ENOPH1: variants seen among roughly 807,000 people sequenced by gnomAD.
The protein encoded by ENOPH1 is enolase-phosphatase 1.
In ENOPH1, 14 loss-of-function variants were observed where a neutral mutation model predicts 31.1. The observed-to-expected ratio is 0.45, with a 90% CI of 0.30 to 0.70. ENOPH1 has a LOEUF of 0.70. ENOPH1 is among the 30% of genes least tolerant of loss of function. The probability of loss-of-function intolerance (pLI) is 0.09; values close to 1 mark genes in which losing one functional copy is unlikely to be tolerated. For synonymous variants in ENOPH1, 127 were observed against 123.2 expected, an observed-to-expected ratio of 1.03 and a Z score of -0.21; for missense variants, 243 against 321.5, an observed-to-expected ratio of 0.76 and a Z score of 1.87.
chr4:82,432,863 G>A (rs1215315343), intron 1 of ENOPH1, among the ~76,000 whole-genome samples: 1 of 152,212 alleles, frequency 6.6e-6, no homozygotes, highest in Non-Finnish European at 1.5e-5. Flanking sequence ...TCCCGTGTCG[G>A]CCTCCCAAAG....
chr4:82,447,141 A>C (rs1035198124), intron 1 of ENOPH1, among the ~76,000 whole-genome samples: 11 of 151,426 alleles, frequency 7.3e-5, no homozygotes, highest in African/African-American at 2.7e-4. Context: ...ACCCGCCACC[A>C]CACCTGGCTA....
In ENOPH1 at chr4:82,433,388, T is replaced by C. The variant is rs114425646; in HGVS notation, c.84+2475T>C. On this transcript the variant is annotated intron_variant, in intron 1 of 5. Transcript: ENST00000273920. The stretch of plus-strand genomic sequence containing the variant: ...GTTGCCTAAATAAATTTTTCTGAAT[T>C]TGACGCTAGGCAATGTGCAATTTCA... Among the ~76,000 whole-genome samples, 1,270 of 152,344 alleles carry C rather than the reference T, an allele frequency of 8.3e-3. 17 individuals are homozygous for C. The highest frequency in any genetic ancestry group is 0.029 in the African/African-American group (1,191 of 41,576).
intron 1 of ENOPH1, among the ~76,000 whole-genome samples, chr4:82,444,512 G>T (rs548299644): frequency 6.6e-6 from 1 of 152,278 alleles, no homozygotes; most frequent in Admixed American, 6.5e-5. Flanking sequence ...GGTAACAACA[G>T]TTTGATTTTT....
At chr4:82,445,735 G>A (rs966049500) in intron 1 of ENOPH1, among the ~76,000 whole-genome samples, 1 of 152,178 alleles carries the variant, frequency 6.6e-6, no homozygotes, top group African/African-American at 2.4e-5. Flanking sequence ...GAGCCACCAT[G>A]CCCAGCAGCA....
rs532215699 is a variant in ENOPH1, at chr4:82,458,259, C to T, written c.646+1221C>T. On this transcript the variant is annotated intron_variant, in intron 5 of 5. Transcript: ENST00000273920. The stretch of plus-strand genomic sequence containing the variant: ...CGGTAACTCACACCTATAATCCTAG[C>T]ACTTTGGGAGGCCAAGGTGGGTGGA... 2.6e-5 allele frequency among the ~76,000 whole-genome samples: 4 copies of T among 152,310 alleles called. No individual in the cohort carries two copies. In the East Asian group the frequency reaches 7.7e-4, roughly 29 times the overall value.
chr4:82,431,142 G>A (rs902802577), intron 1 of ENOPH1, among the ~76,000 whole-genome samples: 4 of 152,176 alleles, frequency 2.6e-5, no homozygotes, highest in African/African-American at 4.8e-5. Context: ...GGATCCAGAT[G>A]GGTGGGAAGG....
intron 4 of ENOPH1, among the ~76,000 whole-genome samples, chr4:82,455,597 G>A (rs1296755570): frequency 6.7e-6 from 1 of 150,212 alleles, no homozygotes; most frequent in Admixed American, 6.7e-5. Flanking sequence ...TGGCTAACAT[G>A]GTGAAACCCC....
At chr4:82,438,311 G>A (rs1721959613) in intron 1 of ENOPH1, among the ~76,000 whole-genome samples, 2 of 152,056 alleles carry the variant, frequency 1.3e-5, no homozygotes, top group African/African-American at 4.8e-5. Flanking sequence ...TTTTCCCTAG[G>A]TACACAGTAA....
In ENOPH1 at chr4:82,438,749, C is replaced by T. The variant is rs531668301; in HGVS notation, c.84+7836C>T. Among the ~76,000 whole-genome samples, 12 of 152,284 alleles carry T rather than the reference C, an allele frequency of 7.9e-5. No homozygotes were observed. The East Asian group carries it at 1.5e-3, about 20-fold the overall frequency. On this transcript the variant is annotated intron_variant, in intron 1 of 5. Transcript: ENST00000273920. Reference sequence around the variant, plus strand: ...TACATAGGCTGGATTTTATCTTGCTCATACAGACTTTTAAAATGATACCCT... The same window carrying T: ...TACATAGGCTGGATTTTATCTTGCTTATACAGACTTTTAAAATGATACCCT...
At chr4:82,447,041 A>C (rs1052346596) in intron 1 of ENOPH1, among the ~76,000 whole-genome samples, 10 of 151,190 alleles carry the variant, frequency 6.6e-5, no homozygotes, top group Admixed American at 1.3e-4. Context: ...GCTGGAATAC[A>C]ATGATGGGAT....
Position 82,454,779 on chromosome 4 carries a change from G to A in ENOPH1, c.447G>A (p.Val149=). The A allele has an allele frequency of 6.2e-7, 1 of 1,613,856 alleles. No homozygotes were observed. The highest frequency in any genetic ancestry group is 8.5e-7 in the Non-Finnish European group (1 of 1,179,834). Residue 149 remains valine (V), a synonymous_variant, in exon 4 of 6, where the codon GTG becomes GTA. Transcript: ENST00000273920. ...AGTGGAGAGAGGCCGGAATGAAGGT[G>A]TACATCTATTCCTCAGGGAGTGTGG... The part of the protein sequence containing the change: ...VRKWREAGMK[V]YIYSSGSVEA...
At chr4:82,434,207 C>A (rs1187487841) in intron 1 of ENOPH1, among the ~76,000 whole-genome samples, 1 of 152,160 alleles carries the variant, frequency 6.6e-6, no homozygotes, top group Non-Finnish European at 1.5e-5. Context: ...TGTCCTGTCT[C>A]CTTTGCTTGG....
chr4:82,447,484 ATCC>A (rs1180031633), intron 1 of ENOPH1, among the ~76,000 whole-genome samples: 2 of 152,206 alleles, frequency 1.3e-5, no homozygotes, highest in Admixed American at 1.3e-4. Flanking sequence ...TTTAATCCAT[ATCC>A]TCAAGGACCT....
rs374821138 is a variant in ENOPH1, at chr4:82,447,941, G to A, written c.106G>A (p.Glu36Lys). The change falls in exon 2 of 6, where the codon GAA becomes AAA. Residue 36 changes from glutamate to lysine, a missense_variant. Transcript: ENST00000273920. ...CCAGGACATTTTATTTCCTTACATC[G>A]AAGAAAATGTTAAAGAGTATCTGCA... ...FVKDILFPYIEENVKEYLQTH... is the reference protein window; with the variant it reads ...FVKDILFPYIKENVKEYLQTH... 2.0e-5 allele frequency: 32 copies of A among 1,606,406 alleles called. No homozygotes were observed. Among genetic ancestry groups the A allele is most frequent in the Non-Finnish European group, 2.3e-5 (27 of 1,175,650 alleles).
intron 3 of ENOPH1, 39 bp downstream of exon 3, chr4:82,451,284 A>G: frequency 6.3e-7 from 1 of 1,591,974 alleles, no homozygotes. Context: ...CACCAGTCCC[A>G]AATCCAAATA....
intron 1 of ENOPH1, among the ~76,000 whole-genome samples, chr4:82,434,761 G>A (rs1721863122): frequency 6.6e-6 from 1 of 152,058 alleles, no homozygotes; most frequent in Non-Finnish European, 1.5e-5. Context: ...TCAAAAATTA[G>A]CTGGGCATGG....
chr4:82,452,586 C>T (rs1225145227), intron 3 of ENOPH1, among the ~76,000 whole-genome samples: 1 of 152,086 alleles, frequency 6.6e-6, no homozygotes, highest in Admixed American at 6.6e-5. Flanking sequence ...AGCCACCCCT[C>T]CCGGCCTATT....
At chr4:82,451,507 C>G (rs1342101623) in intron 3 of ENOPH1, among the ~76,000 whole-genome samples, 1 of 152,152 alleles carries the variant, frequency 6.6e-6, no homozygotes, top group Non-Finnish European at 1.5e-5. Flanking sequence ...AAATAGCTTC[C>G]TAGAAAATGG....
intron 1 of ENOPH1, among the ~76,000 whole-genome samples, chr4:82,433,359 C>G (rs1721825562): frequency 1.3e-5 from 2 of 152,048 alleles, no homozygotes; most frequent in Admixed American, 1.3e-4. Context: ...ATAAAAATGT[C>G]TTAGTTGCCT....
Sources: gnomAD v4.1 joint callset for allele counts (sites outside exome capture counted in the v4.1 genomes callset) on GRCh38, gnomAD v4.1.1 for gene constraint, MANE v1.5 for transcripts, NCBI Gene and HGNC (gene_info 2026-07-23, HGNC 2026-07-21) for gene names.